The following SLC41A2 variants were observed in gnomAD, a reference collection of about 807,000 sequenced individuals.
The protein encoded by SLC41A2 is SLC41A1-like 1.
In SLC41A2, 32 loss-of-function variants were observed where a neutral mutation model predicts 58.3. That is an observed-to-expected ratio of 0.55 (90% CI 0.41 to 0.74). SLC41A2 has a LOEUF of 0.74. Ranked by LOEUF, SLC41A2 falls within the 30% of genes least tolerant of loss-of-function variation. The pLI is 0.00. For missense variants in SLC41A2, 514 were observed against 680.6 expected, an observed-to-expected ratio of 0.76 and a Z score of 2.72; for synonymous variants, 190 against 235.0, an observed-to-expected ratio of 0.81 and a Z score of 1.75.
chr12:104,934,545 T>G (rs2047189494), intron 1 of SLC41A2, among the ~76,000 whole-genome samples: 2 of 151,680 alleles, frequency 1.3e-5, no homozygotes, highest in African/African-American at 4.9e-5. Context: ...GAAAGTAGAG[T>G]GGTTAAAATC....
chr12:104,881,907 C>T (rs900211828), intron 6 of SLC41A2, among the ~76,000 whole-genome samples: 2 of 152,148 alleles, frequency 1.3e-5, no homozygotes, highest in African/African-American at 4.8e-5. Flanking sequence ...CTAATGTTGA[C>T]AGTGGGGTGT....
intron 2 of SLC41A2, among the ~76,000 whole-genome samples, chr12:104,924,860 A>G (rs748334185): frequency 6.6e-6 from 1 of 152,224 alleles, no homozygotes; most frequent in Non-Finnish European, 1.5e-5. Context: ...ATGGAAATAA[A>G]CTACAGTTTC....
chr12:104,888,901 T>A (rs1410979185), intron 5 of SLC41A2, 132 bp downstream of exon 5: 16 of 951,392 alleles, frequency 1.7e-5, no homozygotes, highest in Non-Finnish European at 2.3e-5. Flanking sequence ...AACTAAGGCA[T>A]TTTTTAAGTT....
chr12:104,932,517 C>T lies in SLC41A2; in HGVS notation c.-167-3823G>A, dbSNP rs542919687. ...GCGTGCACCTGTAGTCCCAGCTACT[C>T]GGGAGGCTGAGGTGGGAGAAGCACT... On this transcript the variant is annotated intron_variant, in intron 1 of 10. Transcript: ENST00000258538. 2.7e-5 allele frequency among the ~76,000 whole-genome samples: 4 copies of T among 148,970 alleles called. No individual in the cohort carries two copies. In the East Asian group the frequency reaches 6.1e-4, roughly 23 times the overall value.
intron 8 of SLC41A2, among the ~76,000 whole-genome samples, chr12:104,860,239 G>T (rs1201980510): frequency 6.6e-6 from 1 of 151,952 alleles, no homozygotes; most frequent in Non-Finnish European, 1.5e-5. Flanking sequence ...CTGTCAGGTG[G>T]GGGGCAAGGG....
At chr12:104,933,118 T>C (rs2047133173) in intron 1 of SLC41A2, among the ~76,000 whole-genome samples, 1 of 152,004 alleles carries the variant, frequency 6.6e-6, no homozygotes, top group Non-Finnish European at 1.5e-5. Flanking sequence ...GGAGAAAACA[T>C]TTGCAAATTA....
chr12:104,852,753 T>A (rs1271589261), intron 8 of SLC41A2, among the ~76,000 whole-genome samples: 1 of 152,154 alleles, frequency 6.6e-6, no homozygotes, highest in African/African-American at 2.4e-5. Flanking sequence ...AGGGGCTAAT[T>A]AAAGTTTTAA....
At chr12:104,881,165 C>T (rs2044347670) in intron 6 of SLC41A2, among the ~76,000 whole-genome samples, 1 of 152,022 alleles carries the variant, frequency 6.6e-6, no homozygotes, top group African/African-American at 2.4e-5. Context: ...GGTGATATCC[C>T]CTTTATAATT....
intron 3 of SLC41A2, among the ~76,000 whole-genome samples, chr12:104,896,074 T>C (rs1316106775): frequency 1.3e-5 from 2 of 152,206 alleles, no homozygotes; most frequent in African/African-American, 2.4e-5. Context: ...AATACTGAGT[T>C]GCATTTCAAT....
chr12:104,950,473 T>C (rs950566950), intron 1 of SLC41A2, among the ~76,000 whole-genome samples: 1 of 152,204 alleles, frequency 6.6e-6, no homozygotes, highest in African/African-American at 2.4e-5. Context: ...CCTCCCCATG[T>C]GGAACTGTGA....
In SLC41A2 at chr12:104,909,713, G is replaced by T; in HGVS notation, c.605C>A (p.Ala202Glu). ...KVTEVFILVP[A>E]LLGLKGNLEM... ...CAAGTTCCCTTTGAGACCAAGAAGT[G>T]CAGGGACTAAAATGAAAACTTCTGT... is the stretch of plus-strand genomic sequence containing the variant. Residue 202 changes from alanine (A) to glutamate (E), a missense_variant, in exon 3 of 11, where the codon GCA becomes GAA. By Grantham distance (107) the Ala-to-Glu change is moderately radical (BLOSUM62 -1). Transcript: ENST00000258538. 3 of 1,611,616 alleles carry T rather than the reference G, an allele frequency of 1.9e-6. No homozygotes were observed. Among genetic ancestry groups the T allele is most frequent in the Non-Finnish European group, 2.5e-6 (3 of 1,179,224 alleles).
At chr12:104,835,688 T>C (rs2042186295) in intron 10 of SLC41A2, among the ~76,000 whole-genome samples, 1 of 152,208 alleles carries the variant, frequency 6.6e-6, no homozygotes, top group Non-Finnish European at 1.5e-5. Flanking sequence ...TCAGTAGGCA[T>C]TGATTCGGTA....
chr12:104,900,705 T>A, intron 3 of SLC41A2, among the ~76,000 whole-genome samples: 1 of 152,214 alleles, frequency 6.6e-6, no homozygotes, highest in Admixed American at 6.5e-5. Flanking sequence ...TCCATTTGTA[T>A]CTAGCAATCA....
chr12:104,840,024 T>C lies in SLC41A2; in HGVS notation c.1536+4448A>G, dbSNP rs117835436. On this transcript the variant is annotated intron_variant, in intron 10 of 10. Transcript: ENST00000258538. ...ATTGTCAGTATGCTTATTTAACTGA[T>C]AGTTTTCTTTGTACCTTCTCAGGTT... Among the ~76,000 whole-genome samples, 1,019 of 152,360 alleles carry C rather than the reference T, an allele frequency of 6.7e-3. 18 individuals carry two copies. The highest frequency in any genetic ancestry group is 0.043 in the Admixed American group (652 of 15,310).
chr12:104,812,025 T>C lies in SLC41A2; in HGVS notation c.1537-6688A>G, dbSNP rs143903018. ...CAGGACTCAAGGACACTAGAAACTATGAGGTACTAGCTGAGAATCAGGGAT... is the reference window on the plus strand; with the variant it reads ...CAGGACTCAAGGACACTAGAAACTACGAGGTACTAGCTGAGAATCAGGGAT... On this transcript the variant is annotated intron_variant, in intron 10 of 10. Coordinates refer to ENST00000258538, the MANE Select transcript of SLC41A2 (RefSeq NM_001352171.3). Among the ~76,000 whole-genome samples the C allele has an allele frequency of 2.0e-5, 3 of 152,334 alleles. No individual in the cohort carries two copies. In the East Asian group the frequency reaches 5.8e-4, roughly 29 times the overall value.
chr12:104,899,889 T>G lies in SLC41A2; in HGVS notation c.664-4544A>C, dbSNP rs144031088. Among the ~76,000 whole-genome samples the G allele has an allele frequency of 8.6e-3, 1,305 of 152,222 alleles. 17 individuals are homozygous for G. Among genetic ancestry groups the G allele is most frequent in the African/African-American group, 0.029 (1,200 of 41,540 alleles). ...CATTTCTGCCTACTTTTTTGTTGTT[T>G]TTGTTGTTGTTGTTGTGGCTGTTGT... On this transcript the variant is annotated intron_variant, in intron 3 of 10. Coordinates refer to ENST00000258538, the MANE Select transcript of SLC41A2 (RefSeq NM_001352171.3).
chr12:104,889,152 A>G lies in SLC41A2; in HGVS notation c.761T>C (p.Leu254Pro). Residue 254 changes from leucine (L) to proline (P), a missense_variant, in exon 5 of 11, where the codon CTA becomes CCA. Coordinates refer to ENST00000258538, the MANE Select transcript of SLC41A2 (RefSeq NM_001352171.3). ...CAATATAATTGCTGCCACAGCTGCT[A>G]GAAAACCCACTACTGTTGCCTGAAC... ...KQVQATVVGF[L>P]AAVAAIILGW... The G allele has an allele frequency of 6.2e-7, 1 of 1,608,946 alleles. No homozygotes were observed. Among genetic ancestry groups the G allele is most frequent in the Non-Finnish European group, 8.5e-7 (1 of 1,178,686 alleles).
intron 10 of SLC41A2, among the ~76,000 whole-genome samples, chr12:104,841,969 T>A (rs559972326): frequency 1.3e-5 from 2 of 152,116 alleles, no homozygotes; most frequent in Admixed American, 1.3e-4. Flanking sequence ...GAATATCCAA[T>A]CAAATTAGAG....
chr12:104,816,576 G>A (rs1407724081), intron 10 of SLC41A2, among the ~76,000 whole-genome samples: 1 of 152,148 alleles, frequency 6.6e-6, no homozygotes, highest in East Asian at 1.9e-4. Context: ...AGCAAGGCCT[G>A]TCTCAGGTAG....
Sources: allele counts gnomAD v4.1 joint callset (sites outside exome capture counted in the v4.1 genomes callset), GRCh38; gene constraint gnomAD v4.1.1; transcripts MANE v1.5; gene names NCBI Gene and HGNC (gene_info 2026-07-23, HGNC 2026-07-21).